OSBPL8: variants seen among roughly 807,000 people sequenced by gnomAD.
OSBPL8 encodes oxysterol binding protein like 8.
Under a neutral mutation model 125.5 loss-of-function variants are expected in OSBPL8, and 59 were observed. The observed-to-expected ratio is 0.47, with a 90% CI of 0.38 to 0.58. The LOEUF is 0.58. Among genes scored for constraint, OSBPL8 ranks in the 20% least tolerant of loss-of-function variants. The pLI, the probability that OSBPL8 is intolerant of heterozygous loss-of-function variation, is 0.00. For missense variants in OSBPL8, 758 were observed against 1,047.8 expected, an observed-to-expected ratio of 0.72 and a Z score of 3.82; for synonymous variants, 330 against 338.9, an observed-to-expected ratio of 0.97 and a Z score of 0.29.
At chr12:76,398,429 A>C (rs1953910421) in intron 7 of OSBPL8, among the ~76,000 whole-genome samples, 1 of 151,786 alleles carries the variant, frequency 6.6e-6, no homozygotes, top group African/African-American at 2.4e-5. Flanking sequence ...GTAATTACAT[A>C]AAGTATGCCA....
intron 2 of OSBPL8, among the ~76,000 whole-genome samples, chr12:76,463,166 G>T (rs74103469): frequency 0.013 from 2,000 of 152,226 alleles, 31 homozygotes; most frequent in African/African-American, 0.041. Context: ...AGGAGAGGGG[G>T]AATCGTGGAC....
At chr12:76,451,890 A>G (rs1414339226) in intron 3 of OSBPL8, among the ~76,000 whole-genome samples, 1 of 152,160 alleles carries the variant, frequency 6.6e-6, no homozygotes, top group Non-Finnish European at 1.5e-5. Context: ...AAGTCGAGGT[A>G]GGTGGATCAC....
intron 4 of OSBPL8, among the ~76,000 whole-genome samples, chr12:76,415,835 T>C (rs1220605033): frequency 6.6e-6 from 1 of 152,196 alleles, no homozygotes; most frequent in Non-Finnish European, 1.5e-5. Context: ...TAATAAATCA[T>C]ACCACAGGTT....
intron 14 of OSBPL8, among the ~76,000 whole-genome samples, chr12:76,384,758 T>G (rs1173910187): frequency 1.3e-5 from 2 of 152,178 alleles, no homozygotes; most frequent in African/African-American, 2.4e-5. Flanking sequence ...ACTGAGCTCT[T>G]CTGTCAACAG....
intron 4 of OSBPL8, among the ~76,000 whole-genome samples, chr12:76,411,064 A>G (rs12825647): frequency 0.073 from 11,081 of 152,276 alleles, 569 homozygotes; most frequent in Non-Finnish European, 0.11. Flanking sequence ...AAAATCTTAT[A>G]ATGTGCATAT....
At chr12:76,358,588 C>CA in intron 22 of OSBPL8, 118 bp downstream of exon 22, 1 of 815,038 alleles carries the variant, frequency 1.2e-6, no homozygotes. Context: ...TTTTGTATCT[C>CA]AACCCTGCCC....
intron 1 of OSBPL8, among the ~76,000 whole-genome samples, chr12:76,506,497 G>T (rs966692967): frequency 6.6e-6 from 1 of 152,132 alleles, no homozygotes; most frequent in Non-Finnish European, 1.5e-5. Context: ...CAGTATTAAA[G>T]AATCAATATT....
intron 2 of OSBPL8, among the ~76,000 whole-genome samples, chr12:76,470,331 C>A (rs1402367891): frequency 2.0e-5 from 3 of 152,258 alleles, no homozygotes; most frequent in African/African-American, 7.2e-5. Context: ...TCTGGCCTAA[C>A]GAGCCACAGT....
intron 1 of OSBPL8, among the ~76,000 whole-genome samples, chr12:76,490,521 C>T (rs1413136440): frequency 3.3e-5 from 5 of 152,220 alleles, no homozygotes; most frequent in African/African-American, 4.8e-5. Flanking sequence ...AGAATCCGGT[C>T]GGAGAAGGCT....
intron 9 of OSBPL8, among the ~76,000 whole-genome samples, chr12:76,393,004 T>C (rs769440653): frequency 1.3e-5 from 2 of 152,194 alleles, no homozygotes; most frequent in African/African-American, 2.4e-5. Flanking sequence ...ATAAACATAC[T>C]TTATTTTTCA....
At chr12:76,507,152 G>C (rs1029490950) in intron 1 of OSBPL8, among the ~76,000 whole-genome samples, 1 of 151,618 alleles carries the variant, frequency 6.6e-6, no homozygotes, top group Non-Finnish European at 1.5e-5. Context: ...TCTCTCTATT[G>C]TTCCTTTTGT....
chr12:76,376,454 C>T (rs943612635), intron 16 of OSBPL8, among the ~76,000 whole-genome samples: 4 of 152,136 alleles, frequency 2.6e-5, no homozygotes, highest in Non-Finnish European at 5.9e-5. Context: ...CCTTAGAAAA[C>T]ATACAGGGTG....
In OSBPL8 at chr12:76,559,622, G is replaced by C. The variant is rs1030366594; in HGVS notation, c.-293C>G. 2.6e-5 allele frequency: 4 copies of C among 152,250 alleles called. No individual in the cohort carries two copies. The highest frequency in any genetic ancestry group is 6.5e-5 in the Admixed American group (1 of 15,286). The allele number at this position is 152,250 out of a possible 1,614,324, so 9.4% of individuals were successfully genotyped here. A position where few individuals can be genotyped will look rare whatever the true frequency, so the allele number is the denominator to read the frequency against. ...CGGGGCGGGAACTTTCGGCCCCGAG[G>C]TCCACCAGCCCGGGCGGACCCCCAC... is the stretch of plus-strand genomic sequence containing the variant. On this transcript the variant is annotated 5_prime_UTR_variant, in exon 1 of 24. Transcript: ENST00000261183.
At chr12:76,376,598 TTTTA>T (rs1385179720) in intron 16 of OSBPL8, among the ~76,000 whole-genome samples, 2 of 152,210 alleles carry the variant, frequency 1.3e-5, no homozygotes, top group African/African-American at 4.8e-5. Flanking sequence ...TGGAATATAG[TTTTA>T]TTTTTTCTAA....
intron 8 of OSBPL8, among the ~76,000 whole-genome samples, chr12:76,397,317 T>G (rs1459559679): frequency 1.1e-5 from 1 of 88,264 alleles, no homozygotes; most frequent in Non-Finnish European, 2.0e-5. Context: ...CTTACCATTT[T>G]GACAAAGAGA....
chr12:76,390,860 A>C (rs1953530025), intron 10 of OSBPL8, among the ~76,000 whole-genome samples: 2 of 152,226 alleles, frequency 1.3e-5, no homozygotes, highest in Non-Finnish European at 2.9e-5. Flanking sequence ...ACAGATTAGT[A>C]AACAGAGGCA....
intron 1 of OSBPL8, among the ~76,000 whole-genome samples, chr12:76,498,932 G>T (rs145500495): frequency 4.6e-5 from 7 of 152,078 alleles, no homozygotes; most frequent in Non-Finnish European, 1.0e-4. Flanking sequence ...TCACCATTGG[G>T]ATGGTTAACA....
Position 76,355,824 on chromosome 12 carries a change from A to G in OSBPL8, c.*65T>C. 1 of 1,538,034 alleles carries G rather than the reference A, an allele frequency of 6.5e-7. No individual in the cohort carries two copies. Among genetic ancestry groups the G allele is most frequent in the Non-Finnish European group, 8.8e-7 (1 of 1,139,690 alleles). On this transcript the variant is annotated 3_prime_UTR_variant, in exon 24 of 24. Transcript: ENST00000261183. ...GTGATTTTTAATAAAGACCAAACCA[A>G]CTTGAACACTGGTCCCAGGCCAAAT...
At chr12:76,407,802 A>G (rs1026700751) in intron 5 of OSBPL8, among the ~76,000 whole-genome samples, 3 of 152,172 alleles carry the variant, frequency 2.0e-5, no homozygotes, top group African/African-American at 7.2e-5. Context: ...TACTTTCTGC[A>G]CCACAGTCTG....
Sources: gnomAD v4.1 joint callset for allele counts (sites outside exome capture counted in the v4.1 genomes callset) on GRCh38, gnomAD v4.1.1 for gene constraint, MANE v1.5 for transcripts, NCBI Gene and HGNC (gene_info 2026-07-23, HGNC 2026-07-21) for gene names.